HPSE2: variants seen among roughly 807,000 people sequenced by gnomAD.
HPSE2 encodes heparanase 2 (inactive), also known as inactive heparanase-2.
In HPSE2, 38 loss-of-function variants were observed where a neutral mutation model predicts 60.5. The ratio of observed to expected loss-of-function variants is 0.63; its 90% CI spans 0.48 to 0.82. The LOEUF (loss-of-function observed/expected upper bound fraction) is 0.82, where lower values mean the gene tolerates loss of function less well. Ranked by LOEUF, HPSE2 falls within the 40% of genes least tolerant of loss-of-function variation. The pLI is 0.00. For synonymous variants in HPSE2, 295 were observed against 293.2 expected (o/e 1.01, Z -0.06); for missense variants, 713 against 740.4 (o/e 0.96, Z 0.43).
rs1264791086 is a variant in HPSE2 at position 99,074,849 on chromosome 10, ATAG to A, written c.610+69386_610+69388del. On this transcript the variant is annotated intron_variant, in intron 3 of 11. Coordinates refer to ENST00000370552, the MANE Select transcript of HPSE2 (RefSeq NM_021828.5). ...TCAATTTGTTGGCATGTAATTGTTC[ATAG>A]TAGTCTCTTATGATTCTTTGTATTT... 3.9e-5 allele frequency among the ~76,000 whole-genome samples: 6 copies of A among 152,232 alleles called. No individual in the cohort carries two copies. In the East Asian group the frequency reaches 1.2e-3, roughly 29 times the overall value.
At chr10:99,280,287 G>A in the HPSE2 span, among the ~76,000 whole-genome samples, 3 of 152,218 alleles carry the variant, frequency 2.0e-5, no homozygotes, top group Non-Finnish European at 4.4e-5. Context: ...GAAGGATTCA[G>A]TATGGGTAAT....
chr10:98,860,660 C>A (rs1277740759), intron 3 of HPSE2, among the ~76,000 whole-genome samples: 2 of 152,154 alleles, frequency 1.3e-5, no homozygotes, highest in Admixed American at 1.3e-4. Context: ...AGAAATCTAA[C>A]ACAATCTCAG....
chr10:98,725,027 T>C (rs909246005), intron 4 of HPSE2, among the ~76,000 whole-genome samples: 11 of 152,124 alleles, frequency 7.2e-5, no homozygotes, highest in African/African-American at 2.7e-4. Context: ...TGCTCATGGG[T>C]AGGAAGAATG....
chr10:98,928,988 T>TAATAAATAAATAAATA (rs75302353), intron 3 of HPSE2, among the ~76,000 whole-genome samples: 2 of 130,956 alleles, frequency 1.5e-5, no homozygotes, highest in African/African-American at 3.3e-5. Flanking sequence ...TAAAGTATAA[T>TAATAAATAAATAAATA]AATAAATAAA....
the HPSE2 span, among the ~76,000 whole-genome samples, chr10:99,305,969 GCGCGCGCGCGCACA>G: frequency 2.0e-5 from 1 of 50,918 alleles, no homozygotes; most frequent in African/African-American, 9.6e-5. Flanking sequence ...ACACGCGCGC[GCGCGCGCGCGCACA>G]CACACACACA....
intron 3 of HPSE2, among the ~76,000 whole-genome samples, chr10:98,937,626 G>A (rs1227678986): frequency 7.0e-6 from 1 of 143,384 alleles, no homozygotes; most frequent in African/African-American, 2.8e-5. Flanking sequence ...AAGGAGGCCT[G>A]CCTGCCTCTG....
rs1957896968 is a variant in HPSE2 at position 99,047,989 on chromosome 10, C to G, written c.610+96249G>C. ...TTCCGTTTCTTTGCCTTCATCAAGT[C>G]TTCAATGAAACCTTTGCGAAGCTCA... On this transcript the variant is annotated intron_variant, in intron 3 of 11. Transcript: ENST00000370552. The G allele has an allele frequency of 7.1e-6, 5 of 707,416 alleles. No individual in the cohort carries two copies. The Admixed American group carries it at 9.8e-5, about 14-fold the overall frequency. The allele number at this position is 707,416 out of a possible 1,614,324, so 43.8% of individuals were successfully genotyped here.
chr10:99,290,152 T>A, the HPSE2 span, among the ~76,000 whole-genome samples: 136 of 152,162 alleles, frequency 8.9e-4, no homozygotes, highest in African/African-American at 3.0e-3. Flanking sequence ...ACTTTACATC[T>A]TCATAAAATG....
chr10:98,491,167 T>A (rs1941629400), intron 9 of HPSE2, among the ~76,000 whole-genome samples: 1 of 151,854 alleles, frequency 6.6e-6, no homozygotes, highest in Admixed American at 6.6e-5. Flanking sequence ...CAATCGTGAT[T>A]TATTAAACTT....
At chr10:99,305,979 G>GCGCGCACGCACACACA in the HPSE2 span, among the ~76,000 whole-genome samples, 1 of 80,580 alleles carries the variant, frequency 1.2e-5, no homozygotes, top group Non-Finnish European at 2.4e-5. Context: ...GCGCGCGCGC[G>GCGCGCACGCACACACA]CACACACACA....
intron 5 of HPSE2, among the ~76,000 whole-genome samples, chr10:98,697,165 C>G (rs1948246833): frequency 6.6e-6 from 1 of 152,168 alleles, no homozygotes. Flanking sequence ...GATGAATTGA[C>G]AGAAGTAGGC....
the HPSE2 span, among the ~76,000 whole-genome samples, chr10:99,278,090 CA>C: frequency 1.6e-3 from 195 of 118,270 alleles, 1 homozygote; most frequent in Admixed American, 3.9e-3. Context: ...GACTCCCTCT[CA>C]AAAAAAAAAA....
intron 9 of HPSE2, among the ~76,000 whole-genome samples, chr10:98,614,297 T>TG: frequency 4.1e-5 from 1 of 24,438 alleles, no homozygotes; most frequent in East Asian, 2.0e-3. Flanking sequence ...GATTGTTTTG[T>TG]TTTTTTTTTT....
intron 9 of HPSE2, among the ~76,000 whole-genome samples, chr10:98,610,513 C>T (rs1945724261): frequency 6.6e-6 from 1 of 152,296 alleles, no homozygotes. Flanking sequence ...AATGACTATA[C>T]TCCAGAACAA....
intron 6 of HPSE2, among the ~76,000 whole-genome samples, chr10:98,691,322 T>A (rs1441879569): frequency 6.6e-6 from 1 of 152,052 alleles, no homozygotes; most frequent in African/African-American, 2.4e-5. Context: ...ATTTTTGGAG[T>A]AGTTGCAAAC....
At chr10:99,157,550 T>C (rs1233043238) in intron 2 of HPSE2, among the ~76,000 whole-genome samples, 3 of 129,750 alleles carry the variant, frequency 2.3e-5, no homozygotes, top group Non-Finnish European at 3.4e-5. Flanking sequence ...GCTAGCCATA[T>C]GTAGAAAGCT....
At chr10:98,612,320 T>C (rs1945784407) in intron 9 of HPSE2, among the ~76,000 whole-genome samples, 1 of 152,228 alleles carries the variant, frequency 6.6e-6, no homozygotes, top group African/African-American at 2.4e-5. Context: ...CCAGTTTTCT[T>C]ACTACTCGTC....
chr10:99,188,406 T>G (rs1432802423), intron 2 of HPSE2, among the ~76,000 whole-genome samples: 1 of 152,172 alleles, frequency 6.6e-6, no homozygotes, highest in Non-Finnish European at 1.5e-5. Context: ...ACTTAAAAAT[T>G]GGCAAATTTT....
intron 4 of HPSE2, among the ~76,000 whole-genome samples, chr10:98,734,340 A>G (rs1303243678): frequency 1.3e-5 from 2 of 152,136 alleles, no homozygotes; most frequent in Non-Finnish European, 2.9e-5. Context: ...GTATGGATGT[A>G]TGTTTTCATT....
Sources: allele counts gnomAD v4.1 joint callset (sites outside exome capture counted in the v4.1 genomes callset), GRCh38; gene constraint gnomAD v4.1.1; transcripts MANE v1.5; gene names NCBI Gene and HGNC (gene_info 2026-07-23, HGNC 2026-07-21).